TNKS: variants seen among roughly 807,000 people sequenced by gnomAD.
TNKS encodes the protein tankyrase, also known as poly [ADP-ribose] polymerase tankyrase-1.
TNKS carries 72 observed loss-of-function variants against 135.8 expected under a neutral mutation model. The observed-to-expected ratio is 0.53, with a 90% confidence interval of 0.44 to 0.64. TNKS has a LOEUF of 0.64. Ranked by LOEUF, TNKS falls within the 30% of genes least tolerant of loss-of-function variation. The pLI is 0.00. For missense variants in TNKS, 1,769 were observed against 1,674.0 expected (o/e 1.06, Z -0.99); for synonymous variants, 849 against 649.3 (o/e 1.31, Z -4.68).
intron 20 of TNKS, among the ~76,000 whole-genome samples, chr8:9,759,399 G>C (rs1035432832): frequency 6.6e-6 from 1 of 152,232 alleles, no homozygotes; most frequent in African/African-American, 2.4e-5. Flanking sequence ...AGGGATTACA[G>C]TGAAGACACA....
At chr8:9,732,012 C>A (rs571043496) in intron 14 of TNKS, among the ~76,000 whole-genome samples, 7 of 152,250 alleles carry the variant, frequency 4.6e-5, no homozygotes, top group Admixed American at 1.3e-4. Flanking sequence ...TGGTCTCAAT[C>A]TCCTGACCTC....
intron 20 of TNKS, 83 bp downstream of exon 20, chr8:9,752,709 A>G (rs942303093): frequency 1.1e-6 from 1 of 921,372 alleles, no homozygotes; most frequent in Non-Finnish European, 1.7e-6. Flanking sequence ...CTTACTCCCA[A>G]CACTTTGGAA....
chr8:9,625,876 T>A (rs769637727), intron 3 of TNKS, among the ~76,000 whole-genome samples: 1 of 152,212 alleles, frequency 6.6e-6, no homozygotes, highest in Non-Finnish European at 1.5e-5. Flanking sequence ...ATGTATTTTC[T>A]GATGTTTTTG....
Position 9,779,717 on chromosome 8 carries a change from C to A in TNKS, c.*2981C>A, listed in dbSNP as rs915945354. 2 of 152,204 alleles carry A rather than the reference C, an allele frequency of 1.3e-5. No individual in the cohort carries two copies. Among genetic ancestry groups the A allele is most frequent in the African/African-American group, 4.8e-5 (2 of 41,448 alleles). The allele number at this position is 152,204 out of a possible 1,614,324, so 9.4% of individuals were successfully genotyped here. A position where few individuals can be genotyped will look rare whatever the true frequency, so the allele number is the denominator to read the frequency against. On this transcript the variant is annotated 3_prime_UTR_variant, in exon 27 of 27. Transcript: ENST00000310430. ...CAGATACCTCCTAGCTTTTGTATCACAACCAGGAATGGGTATTAGGCCTCA... is the reference window on the plus strand; with the variant it reads ...CAGATACCTCCTAGCTTTTGTATCAAAACCAGGAATGGGTATTAGGCCTCA...
intron 17 of TNKS, among the ~76,000 whole-genome samples, chr8:9,735,761 C>G (rs1477675403): frequency 1.3e-5 from 2 of 152,030 alleles, no homozygotes; most frequent in Non-Finnish European, 2.9e-5. Context: ...GATCGCGCCA[C>G]TGCACTCCAG....
chr8:9,767,367 A>G (rs1439821731), intron 25 of TNKS, among the ~76,000 whole-genome samples: 1 of 152,216 alleles, frequency 6.6e-6, no homozygotes, highest in African/African-American at 2.4e-5. Context: ...ATACTGTACA[A>G]AGATTGGGAT....
chr8:9,638,976 G>T (rs1029168756), intron 3 of TNKS, among the ~76,000 whole-genome samples: 1 of 152,034 alleles, frequency 6.6e-6, no homozygotes, highest in Non-Finnish European at 1.5e-5. Flanking sequence ...TGAGGATGGG[G>T]GTGTCTTGAA....
Position 9,580,021 on chromosome 8 carries a change from G to A in TNKS, c.674-138G>A, listed in dbSNP as rs540095179. ...ATGAGTCAGTTTGAATGAAGCTAAT[G>A]TTTCTTTTGTTTTACACCATTTACT... On this transcript the variant is annotated intron_variant, in intron 1 of 26. Transcript: ENST00000310430. 1.0e-5 allele frequency: 7 copies of A among 682,636 alleles called. No individual in the cohort carries two copies. The East Asian group carries it at 1.4e-4, about 13-fold the overall frequency. 42.3% of individuals were successfully genotyped at this position (682,636 alleles called of 1,614,324 possible). A position where few individuals can be genotyped will look rare whatever the true frequency, so the allele number is the denominator to read the frequency against.
chr8:9,759,865 C>G (rs1807048709), intron 20 of TNKS, among the ~76,000 whole-genome samples: 1 of 151,994 alleles, frequency 6.6e-6, no homozygotes, highest in African/African-American at 2.4e-5. Flanking sequence ...GTCCCAGCGA[C>G]TTGAGAGGCT....
At chr8:9,763,332 CT>C in intron 22 of TNKS, 88 bp downstream of exon 22, 1 of 815,934 alleles carries the variant, frequency 1.2e-6, no homozygotes, top group Non-Finnish European at 1.9e-6. Flanking sequence ...CTTACATTGC[CT>C]TGCGGTCACA....
intron 20 of TNKS, among the ~76,000 whole-genome samples, chr8:9,761,047 C>T (rs577778065): frequency 3.3e-5 from 5 of 152,214 alleles, no homozygotes; most frequent in African/African-American, 9.6e-5. Flanking sequence ...AGAAGTTCTT[C>T]CTTATCTTCA....
intron 17 of TNKS, among the ~76,000 whole-genome samples, chr8:9,746,461 T>C (rs1418116472): frequency 2.0e-5 from 3 of 152,170 alleles, no homozygotes; most frequent in Non-Finnish European, 4.4e-5. Flanking sequence ...GCTTTTATAG[T>C]CCTGCTCCTT....
Position 9,776,677 on chromosome 8 carries a change from C to G in TNKS, c.3925C>G (p.Gln1309Glu), listed in dbSNP as rs1563230673. 6.2e-7 allele frequency: 1 copy of G among 1,613,926 alleles called. No individual in the cohort carries two copies. Among genetic ancestry groups the G allele is most frequent in the East Asian group, 2.2e-5 (1 of 44,874 alleles). The change falls in exon 27 of 27, where the codon CAG becomes GAG. Residue 1309 changes from glutamine (Q) to glutamate (E), a missense_variant. Transcript: ENST00000310430. ...ATACCCAGAGTATCTTATCACTTAC[C>G]AGATCATGAAGCCAGAAGCCCCTTC... ...QAYPEYLITYQIMKPEAPSQT... is the reference protein window; with the variant it reads ...QAYPEYLITYEIMKPEAPSQT...
intron 3 of TNKS, among the ~76,000 whole-genome samples, chr8:9,660,220 C>G (rs1801629356): frequency 6.6e-6 from 1 of 152,306 alleles, no homozygotes; most frequent in African/African-American, 2.4e-5. Context: ...AGACGGAATC[C>G]TCCCTAACTC....
intron 23 of TNKS, among the ~76,000 whole-genome samples, chr8:9,765,134 C>G (rs1807357279): frequency 6.6e-6 from 1 of 152,108 alleles, no homozygotes; most frequent in South Asian, 2.1e-4. Context: ...GCATCAAAGT[C>G]CTGGATCTTC....
At chr8:9,566,973 T>G (rs548015736) in intron 1 of TNKS, among the ~76,000 whole-genome samples, 1 of 152,320 alleles carries the variant, frequency 6.6e-6, no homozygotes, top group South Asian at 2.1e-4. Context: ...GGTGCCAGAT[T>G]TAAACCCAAT....
intron 5 of TNKS, among the ~76,000 whole-genome samples, chr8:9,702,830 A>C (rs911383380): frequency 6.6e-6 from 1 of 152,184 alleles, no homozygotes; most frequent in African/African-American, 2.4e-5. Flanking sequence ...AGTCTGGCCA[A>C]CATGGTGACA....
chr8:9,663,325 T>C (rs762148214), intron 3 of TNKS, among the ~76,000 whole-genome samples: 1 of 152,204 alleles, frequency 6.6e-6, no homozygotes, highest in Non-Finnish European at 1.5e-5. Context: ...CCTCAGAGCA[T>C]TATTTGAGGA....
intron 3 of TNKS, among the ~76,000 whole-genome samples, chr8:9,665,047 A>T (rs978546956): frequency 6.6e-6 from 1 of 152,226 alleles, no homozygotes; most frequent in African/African-American, 2.4e-5. Context: ...TCTCTGAAAT[A>T]CTGACAATGC....
Sources: gnomAD v4.1 joint callset for allele counts (sites outside exome capture counted in the v4.1 genomes callset) on GRCh38, gnomAD v4.1.1 for gene constraint, MANE v1.5 for transcripts, NCBI Gene and HGNC (gene_info 2026-07-23, HGNC 2026-07-21) for gene names.